Variants in NFIB observed in about 807,000 individuals in gnomAD.
NFIB encodes the protein nuclear factor I B, also known as nuclear factor 1 B-type.
Under a neutral mutation model 61.5 loss-of-function variants are expected in NFIB, and 11 were observed. That is an observed-to-expected ratio of 0.18 (90% confidence interval 0.11 to 0.30). The LOEUF (loss-of-function observed/expected upper bound fraction) is 0.30. Ranked by LOEUF, NFIB falls within the 10% of genes least tolerant of loss-of-function variation. The pLI is 1.00. For synonymous variants in NFIB, 260 were observed against 216.5 expected (o/e 1.20, Z -1.76); for missense variants, 471 against 608.9 (o/e 0.77, Z 2.38).
At chr9:14,257,770 AC>A (rs753639210) in intron 2 of NFIB, among the ~76,000 whole-genome samples, 3 of 152,158 alleles carry the variant, frequency 2.0e-5, no homozygotes, top group Admixed American at 6.5e-5. Context: ...AAGAAAAAAA[AC>A]GAAAGAAAGA....
chr9:14,399,697 T>C (rs1475462254), upstream of NFIB, among the ~76,000 whole-genome samples: 1 of 152,204 alleles, frequency 6.6e-6, no homozygotes, highest in Admixed American at 6.5e-5. Flanking sequence ...AAGTCAGCAT[T>C]AGGCATCTGG....
At chr9:14,521,109 G>A in the NFIB span, among the ~76,000 whole-genome samples, 9 of 152,152 alleles carry the variant, frequency 5.9e-5, no homozygotes, top group African/African-American at 1.9e-4. Context: ...TGCATTGACA[G>A]GAAGAGTGGC....
chr9:14,206,427 G>A lies in NFIB; in HGVS notation c.563-26647C>T, dbSNP rs74387098. Among the ~76,000 whole-genome samples, 72 of 151,732 alleles carry A rather than the reference G, an allele frequency of 4.7e-4. 1 individual carries two copies. In the East Asian group the frequency reaches 0.013, roughly 28 times the overall value. On this transcript the variant is annotated intron_variant, in intron 2 of 10. Coordinates refer to ENST00000380953, the MANE Select transcript of NFIB (RefSeq NM_001190737.2). ...CAAGCAATCTTCCTGCCTCGGCCTC[G>A]CAAACTGCTGGGATTACAGGTGTGA...
chr9:14,204,002 A>G (rs2049342819), intron 2 of NFIB, among the ~76,000 whole-genome samples: 1 of 152,218 alleles, frequency 6.6e-6, no homozygotes, highest in African/African-American at 2.4e-5. Flanking sequence ...AGCATAAGCA[A>G]AGCCAACACT....
intron 2 of NFIB, among the ~76,000 whole-genome samples, chr9:14,268,803 G>A (rs1027409272): frequency 1.3e-5 from 2 of 152,180 alleles, no homozygotes; most frequent in Non-Finnish European, 2.9e-5. Flanking sequence ...CTAACCTTTA[G>A]CATGCTCCTA....
intron 2 of NFIB, among the ~76,000 whole-genome samples, chr9:14,289,473 A>G (rs925638090): frequency 2.6e-5 from 4 of 151,772 alleles, no homozygotes; most frequent in African/African-American, 9.7e-5. Context: ...GGTTCAATAT[A>G]TATTTGGTAT....
intron 1 of NFIB, among the ~76,000 whole-genome samples, chr9:14,334,768 A>C (rs1296311934): frequency 6.6e-6 from 1 of 152,192 alleles, no homozygotes; most frequent in South Asian, 2.1e-4. Flanking sequence ...CACCCATGAA[A>C]CCATTACCAC....
the NFIB span, among the ~76,000 whole-genome samples, chr9:14,478,433 G>A: frequency 6.6e-6 from 1 of 152,010 alleles, no homozygotes; most frequent in Non-Finnish European, 1.5e-5. Context: ...TGCAATAGCT[G>A]CATCTCCAAA....
At chr9:14,119,720 A>G (rs1433294273) in intron 8 of NFIB, among the ~76,000 whole-genome samples, 1 of 152,210 alleles carries the variant, frequency 6.6e-6, no homozygotes, top group Non-Finnish European at 1.5e-5. Context: ...ACAATTATTG[A>G]TAGCCCCAGG....
At chr9:14,257,735 G>A (rs1254198308) in intron 2 of NFIB, among the ~76,000 whole-genome samples, 3 of 152,034 alleles carry the variant, frequency 2.0e-5, no homozygotes, top group Non-Finnish European at 4.4e-5. Context: ...TAGCCTGAGC[G>A]ACAGAGCGAG....
At chr9:14,531,222 T>C in the NFIB span, among the ~76,000 whole-genome samples, 2 of 152,210 alleles carry the variant, frequency 1.3e-5, no homozygotes, top group Admixed American at 1.3e-4. Flanking sequence ...GATTCACCAA[T>C]ATCCCTCCCT....
chr9:14,446,016 C>A, the NFIB span, among the ~76,000 whole-genome samples: 1 of 152,148 alleles, frequency 6.6e-6, no homozygotes, highest in Non-Finnish European at 1.5e-5. Context: ...TTCCACTAGG[C>A]ATAGAATTCC....
the NFIB span, among the ~76,000 whole-genome samples, chr9:14,500,385 T>C: frequency 6.6e-6 from 1 of 152,126 alleles, no homozygotes; most frequent in African/African-American, 2.4e-5. Context: ...TACAAAATTA[T>C]ATATGTAAAA....
At chr9:14,456,730 C>G in the NFIB span, among the ~76,000 whole-genome samples, 1 of 152,146 alleles carries the variant, frequency 6.6e-6, no homozygotes, top group African/African-American at 2.4e-5. Flanking sequence ...AATGGAAGCA[C>G]TTCCGGTAGG....
intron 8 of NFIB, among the ~76,000 whole-genome samples, chr9:14,117,810 T>C (rs934580134): frequency 2.6e-5 from 4 of 152,178 alleles, no homozygotes; most frequent in Non-Finnish European, 5.9e-5. Context: ...AAATATTCCA[T>C]TGAATAGCAT....
chr9:14,449,773 T>C, the NFIB span, among the ~76,000 whole-genome samples: 1 of 150,918 alleles, frequency 6.6e-6, no homozygotes, highest in African/African-American at 2.4e-5. Flanking sequence ...CTACTAAAAA[T>C]ACAAAAAAAA....
intron 2 of NFIB, among the ~76,000 whole-genome samples, chr9:14,219,531 T>C (rs1178612823): frequency 6.6e-6 from 1 of 152,162 alleles, no homozygotes; most frequent in African/African-American, 2.4e-5. Flanking sequence ...TACAACCGCA[T>C]TACATTTGTT....
the NFIB span, among the ~76,000 whole-genome samples, chr9:14,405,186 C>A: frequency 6.6e-6 from 1 of 152,180 alleles, no homozygotes; most frequent in Non-Finnish European, 1.5e-5. Flanking sequence ...CCAGTCTAAC[C>A]TTGAAGTCAC....
intron 2 of NFIB, among the ~76,000 whole-genome samples, chr9:14,215,500 G>T (rs987521146): frequency 1.2e-4 from 18 of 151,996 alleles, no homozygotes; most frequent in African/African-American, 4.3e-4. Flanking sequence ...GAAAATCCTC[G>T]CTTATTCTAA....
Sources: gnomAD v4.1 joint callset for allele counts (sites outside exome capture counted in the v4.1 genomes callset) on GRCh38, gnomAD v4.1.1 for gene constraint, MANE v1.5 for transcripts, NCBI Gene and HGNC (gene_info 2026-07-23, HGNC 2026-07-21) for gene names.